The following TAFA1 variants were observed in gnomAD, a reference collection of about 807,000 sequenced individuals.
The protein encoded by TAFA1 is chemokine-like protein TAFA-1.
Under a neutral mutation model 18.5 loss-of-function variants are expected in TAFA1, and 4 were observed. The ratio of observed to expected loss-of-function variants is 0.22; its 90% CI spans 0.11 to 0.49. The LOEUF (loss-of-function observed/expected upper bound fraction) is 0.49, where lower values mean the gene tolerates loss of function less well. Among genes scored for constraint, TAFA1 ranks in the 20% least tolerant of loss-of-function variants. The pLI is 0.98. For missense variants in TAFA1, 147 were observed against 169.0 expected (o/e 0.87, Z 0.72); for synonymous variants, 56 against 55.2 (o/e 1.01, Z -0.06).
intron 2 of TAFA1, among the ~76,000 whole-genome samples, chr3:68,305,409 C>CTATATATATATATATATATATATATATA (rs773025236): frequency 2.6e-5 from 1 of 38,200 alleles, no homozygotes; most frequent in Non-Finnish European, 4.6e-5. Flanking sequence ...GACTATATGA[C>CTATATATATATATATATATATATATATA]TATATATATA....
intron 2 of TAFA1, among the ~76,000 whole-genome samples, chr3:68,010,017 C>A (rs1236412245): frequency 1.3e-5 from 2 of 152,172 alleles, no homozygotes; most frequent in Non-Finnish European, 2.9e-5. Flanking sequence ...AAATGAGACA[C>A]CCGCAGACCC....
intron 2 of TAFA1, among the ~76,000 whole-genome samples, chr3:68,391,336 C>A (rs576497167): frequency 6.6e-6 from 1 of 152,198 alleles, no homozygotes; most frequent in Admixed American, 6.5e-5. Flanking sequence ...AAGGAATGAA[C>A]AAAGCCTCCA....
intron 3 of TAFA1, among the ~76,000 whole-genome samples, chr3:68,505,107 G>T (rs1051753632): frequency 6.6e-6 from 1 of 152,096 alleles, no homozygotes; most frequent in African/African-American, 2.4e-5. Flanking sequence ...ACTGCAGCCA[G>T]GTCAGTAAAT....
chr3:68,130,062 T>C (rs1016481296), intron 2 of TAFA1, among the ~76,000 whole-genome samples: 3 of 152,262 alleles, frequency 2.0e-5, no homozygotes, highest in Non-Finnish European at 2.9e-5. Context: ...TTAAAGGTTT[T>C]TATTTTATTT....
intron 2 of TAFA1, among the ~76,000 whole-genome samples, chr3:68,324,593 G>T (rs933548567): frequency 7.2e-5 from 11 of 152,144 alleles, no homozygotes; most frequent in African/African-American, 2.7e-4. Flanking sequence ...TGAATTGAAT[G>T]CTCACAAGTA....
intron 3 of TAFA1, among the ~76,000 whole-genome samples, chr3:68,496,822 T>C (rs2072558230): frequency 1.3e-5 from 2 of 152,182 alleles, no homozygotes; most frequent in Non-Finnish European, 2.9e-5. Context: ...CCATTACCTA[T>C]ATCATGGGGT....
chr3:68,205,985 C>T (rs1236657738), intron 2 of TAFA1, among the ~76,000 whole-genome samples: 3 of 151,798 alleles, frequency 2.0e-5, no homozygotes, highest in African/African-American at 4.8e-5. Context: ...TAGTCACCCC[C>T]GATTAAAGAT....
intron 2 of TAFA1, among the ~76,000 whole-genome samples, chr3:68,118,421 G>C (rs112369191): frequency 4.9e-4 from 74 of 152,140 alleles, no homozygotes; most frequent in African/African-American, 1.7e-3. Flanking sequence ...CTCACCTGCC[G>C]CTCACCTCCT....
At chr3:68,069,039 A>G (rs1417604580) in intron 2 of TAFA1, among the ~76,000 whole-genome samples, 1 of 152,208 alleles carries the variant, frequency 6.6e-6, no homozygotes, top group East Asian at 1.9e-4. Context: ...TGGTTTTAAG[A>G]AAAGGAGTAG....
At chr3:68,120,209 CTTTCTTTCTTT>C (rs2065377846) in intron 2 of TAFA1, among the ~76,000 whole-genome samples, 1 of 115,888 alleles carries the variant, frequency 8.6e-6, no homozygotes, top group Non-Finnish European at 1.8e-5. Context: ...TTCTTTCTTT[CTTTCTTTCTTT>C]CTTTCTTTCT....
chr3:68,044,094 T>C (rs1464866062), intron 2 of TAFA1, among the ~76,000 whole-genome samples: 1 of 152,230 alleles, frequency 6.6e-6, no homozygotes, highest in Non-Finnish European at 1.5e-5. Context: ...ACAAACATAC[T>C]GTGTCCTTAG....
chr3:68,362,550 G>A (rs1165764002), intron 2 of TAFA1, among the ~76,000 whole-genome samples: 1 of 152,134 alleles, frequency 6.6e-6, no homozygotes, highest in Non-Finnish European at 1.5e-5. Flanking sequence ...CCTTCTCAAC[G>A]TATAAGCTTC....
chr3:68,145,721 ATGG>A (rs2065731193), intron 2 of TAFA1: 4 of 722,040 alleles, frequency 5.5e-6, no homozygotes, highest in Non-Finnish European at 9.9e-6. Context: ...AATTTATTGG[ATGG>A]CTTAAGCACC....
chr3:68,355,048 T>A (rs141874408), intron 2 of TAFA1, among the ~76,000 whole-genome samples: 272 of 152,088 alleles, frequency 1.8e-3, no homozygotes, highest in African/African-American at 6.1e-3. Flanking sequence ...AATTTTGGTG[T>A]GAAATTTCTG....
intron 3 of TAFA1, among the ~76,000 whole-genome samples, chr3:68,532,738 C>A (rs2073209099): frequency 6.6e-6 from 1 of 151,910 alleles, no homozygotes; most frequent in South Asian, 2.1e-4. Flanking sequence ...CTTTCAATAA[C>A]CTGAAGGTTT....
chr3:68,123,878 C>CAAAA (rs758966848), intron 2 of TAFA1, among the ~76,000 whole-genome samples: 8 of 72,144 alleles, frequency 1.1e-4, no homozygotes, highest in Non-Finnish European at 1.7e-4. Context: ...CTTTTTTTTC[C>CAAAA]AAAAAAAAAA....
intron 2 of TAFA1, among the ~76,000 whole-genome samples, chr3:68,401,067 C>T (rs1457556128): frequency 6.6e-6 from 1 of 152,134 alleles, no homozygotes; most frequent in Admixed American, 6.6e-5. Context: ...TGAAAGCAGG[C>T]GTGACCACCA....
chr3:68,493,619 A>G (rs35760413), intron 3 of TAFA1, among the ~76,000 whole-genome samples: 29,438 of 152,086 alleles, frequency 0.19, 2,933 homozygotes, highest in Non-Finnish European at 0.21. Flanking sequence ...AAGGGTTTCA[A>G]TTTCTATACA....
chr3:68,217,754 T>G (rs2066677129), intron 2 of TAFA1, among the ~76,000 whole-genome samples: 1 of 151,974 alleles, frequency 6.6e-6, no homozygotes, highest in African/African-American at 2.4e-5. Flanking sequence ...AGTATGACAA[T>G]TAAGATAACG....
Sources: gnomAD v4.1 joint callset for allele counts (sites outside exome capture counted in the v4.1 genomes callset) on GRCh38, gnomAD v4.1.1 for gene constraint, MANE v1.5 for transcripts, NCBI Gene and HGNC (gene_info 2026-07-23, HGNC 2026-07-21) for gene names.